OR4P4: variants seen among roughly 807,000 people sequenced by gnomAD.
The protein encoded by OR4P4 is olfactory receptor 4P4.
In OR4P4, 1 loss-of-function variant was observed where a neutral mutation model predicts 2.1. That is an observed-to-expected ratio of 0.47 (90% CI 0.17 to 2.21). The LOEUF (loss-of-function observed/expected upper bound fraction) is 2.21. OR4P4 is among the 30% of genes most tolerant of loss of function. The pLI is 0.27. For synonymous variants in OR4P4, 129 were observed against 133.2 expected (o/e 0.97, Z 0.22); for missense variants, 375 against 376.5 (o/e 1.00, Z 0.03).
At position 55,639,098 on chromosome 11, in the gene OR4P4, G is replaced by A. The variant is rs1276646284; in HGVS notation, c.741G>A (p.Leu247=). The A allele has an allele frequency of 4.7e-6, 7 of 1,493,460 alleles. 3 individuals carry two copies. In the South Asian group the frequency reaches 8.2e-5, roughly 18 times the overall value. 92.5% of individuals were successfully genotyped at this position (1,493,460 alleles called of 1,614,324 possible). A position where few individuals can be genotyped will look rare whatever the true frequency, so the allele number is the denominator to read the frequency against. ...GTTCTCATGTAATTGTTGTGGTCCT[G>A]TTTTTTGCACCTGCATTGTTCATTT... Residue 247 remains leucine, a synonymous_variant, in exon 2 of 2, where the codon CTG becomes CTA. Coordinates refer to ENST00000641760, the Ensembl canonical transcript of OR4P4.
intron 1 of OR4P4, among the ~76,000 whole-genome samples, chr11:55,638,121 T>C (rs946695317): frequency 1.5e-5 from 2 of 137,222 alleles, no homozygotes; most frequent in African/African-American, 5.0e-5. Context: ...CAGGGATTGA[T>C]CACAGTGTGC....
intron 1 of OR4P4, among the ~76,000 whole-genome samples, chr11:55,635,825 G>A (rs959147434): frequency 7.3e-6 from 1 of 137,664 alleles, no homozygotes; most frequent in Non-Finnish European, 1.6e-5. Flanking sequence ...TTTTAAACAA[G>A]CTGTACTGCA....
chr11:55,639,227 A>G, exon 2 of OR4P4: 2 of 1,488,640 alleles, frequency 1.3e-6, no homozygotes, highest in African/African-American at 2.7e-5. Context: ...TGAGAAACAC[A>G]GAGATGAAGA....
exon 2 of OR4P4, chr11:55,638,601 G>T (rs1465722926): frequency 6.7e-7 from 1 of 1,484,526 alleles, no homozygotes; most frequent in Admixed American, 2.0e-5. Flanking sequence ...ATTAATGGTT[G>T]ACTTACTGGC....
At chr11:55,638,053 T>C (rs1858408875) in intron 1 of OR4P4, among the ~76,000 whole-genome samples, 1 of 138,194 alleles carries the variant, frequency 7.2e-6, no homozygotes, top group Admixed American at 7.9e-5. Context: ...AAATAAACAT[T>C]CCCTATGATA....
At chr11:55,638,924 T>C (rs1392986061) in exon 2 of OR4P4, 1 of 1,488,648 alleles carries the variant, frequency 6.7e-7, no homozygotes, top group Non-Finnish European at 9.1e-7. Context: ...CCTGTTCTAA[T>C]ATACACATGA....
exon 2 of OR4P4, chr11:55,638,958 T>G: frequency 6.7e-7 from 1 of 1,486,408 alleles, no homozygotes; most frequent in African/African-American, 1.4e-5. Flanking sequence ...CATTGCTAAT[T>G]CAGGCTTAAT....
chr11:55,638,735 G>A (rs1213483798), exon 2 of OR4P4: 1 of 1,492,440 alleles, frequency 6.7e-7, no homozygotes, highest in South Asian at 1.2e-5. Flanking sequence ...CCATTTGCAA[G>A]CCCCTGCACT....
rs369854570 is a variant in OR4P4 at position 55,638,600 on chromosome 11, T to C, written c.243T>C (p.Val81=). The stretch of plus-strand genomic sequence containing the variant: ...CCACAGTGACCCCCAAATTAATGGT[T>C]GACTTACTGGCAGAAAGAAAGACCA... Residue 81 remains valine (V), a synonymous_variant, in exon 2 of 2, where the codon GTT becomes GTC. Coordinates refer to ENST00000641760, the Ensembl canonical transcript of OR4P4. The C allele has an allele frequency of 2.5e-5, 37 of 1,484,574 alleles. 4 individuals are homozygous for C. The African/African-American group carries it at 4.7e-4, about 19-fold the overall frequency. The allele number at this position is 1,484,574 out of a possible 1,614,324, so 92.0% of individuals were successfully genotyped here. A position where few individuals can be genotyped will look rare whatever the true frequency, so the allele number is the denominator to read the frequency against.
Position 55,636,444 on chromosome 11 carries a change from G to T in OR4P4, c.-31+1228G>T, listed in dbSNP as rs765293492. 2.1e-4 allele frequency among the ~76,000 whole-genome samples: 29 copies of T among 137,888 alleles called. 7 individuals carry two copies. Among genetic ancestry groups the T allele is most frequent in the Admixed American group, 1.9e-3 (24 of 12,658 alleles). 90.5% of individuals were successfully genotyped at this position (137,888 alleles called of 152,430 possible). On this transcript the variant is annotated intron_variant, in intron 1 of 1. Coordinates refer to ENST00000641760, the Ensembl canonical transcript of OR4P4. Reference sequence around the variant, plus strand: ...TAAGTATCACTGTCTAAAATGGAGCGATGACTGAAATTCAAGAAGTGTCCT... The same window carrying T: ...TAAGTATCACTGTCTAAAATGGAGCTATGACTGAAATTCAAGAAGTGTCCT...
chr11:55,638,368 G>A (rs747920959), exon 2 of OR4P4: 6 of 1,360,034 alleles, frequency 4.4e-6, no homozygotes, highest in Non-Finnish European at 6.0e-6. Flanking sequence ...ATGGAAAAAA[G>A]CAATAATAGC....
rs1279232656 is a variant in OR4P4 at position 55,637,430 on chromosome 11, G to C, written c.-30-898G>C. ...CTTTCTTATTTATTGGCAAAGATTAGTGTGATTATGGAGAAGATCATAACC... is the reference window on the plus strand; with the variant it reads ...CTTTCTTATTTATTGGCAAAGATTACTGTGATTATGGAGAAGATCATAACC... On this transcript the variant is annotated intron_variant, in intron 1 of 1. Transcript: ENST00000641760. Among the ~76,000 whole-genome samples, 3 of 137,910 alleles carry C rather than the reference G, an allele frequency of 2.2e-5. 1 individual carries two copies. The highest frequency in any genetic ancestry group is 7.5e-5 in the African/African-American group (3 of 39,874). The allele number at this position is 137,910 out of a possible 152,430, so 90.5% of individuals were successfully genotyped here. A position where few individuals can be genotyped will look rare whatever the true frequency, so the allele number is the denominator to read the frequency against.
exon 2 of OR4P4, chr11:55,640,169 A>ATAC (rs1376401506): frequency 7.4e-6 from 1 of 134,750 alleles, no homozygotes; most frequent in Non-Finnish European, 1.6e-5. Flanking sequence ...AATAATAATA[A>ATAC]TAATAATGTT....
At chr11:55,638,239 TA>T in intron 1 of OR4P4, 88 bp from the exon 2 acceptor site, 1 of 567,348 alleles carries the variant, frequency 1.8e-6, no homozygotes, top group South Asian at 2.8e-5. Context: ...TTGAATGAGG[TA>T]AATTAAATCT....
At chr11:55,638,989 T>C (rs1413846107) in exon 2 of OR4P4, 1 of 1,489,420 alleles carries the variant, frequency 6.7e-7, no homozygotes, top group South Asian at 1.2e-5. Context: ...ACATTTGTTG[T>C]CTTGTTGTTG....
In OR4P4 at chr11:55,638,981, A is replaced by G. The variant is rs753514101; in HGVS notation, c.624A>G (p.Thr208=). The G allele has an allele frequency of 6.0e-6, 9 of 1,488,160 alleles. 1 individual carries two copies. In the South Asian group the frequency reaches 1.1e-4, roughly 18 times the overall value. The allele number at this position is 1,488,160 out of a possible 1,614,324, so 92.2% of individuals were successfully genotyped here. Residue 208 remains threonine (T), a synonymous_variant, in exon 2 of 2, where the codon ACA becomes ACG. Coordinates refer to ENST00000641760, the Ensembl canonical transcript of OR4P4. ...ATTCAGGCTTAATTGCTTTGGTGAC[A>G]TTTGTTGTCTTGTTGTTGTCTTATG...
At chr11:55,638,836 T>A (rs1449976108) in exon 2 of OR4P4, 1 of 1,492,490 alleles carries the variant, frequency 6.7e-7, no homozygotes, top group Non-Finnish European at 9.1e-7. Context: ...CAGTTTCTTC[T>A]CACCATCTTT....
Position 55,638,889 on chromosome 11 carries a change from G to C in OR4P4, c.532G>C (p.Asp178His). The C allele has an allele frequency of 3.3e-6, 5 of 1,493,660 alleles. 2 individuals carry two copies. Among genetic ancestry groups the C allele is most frequent in the Non-Finnish European group, 4.6e-6 (5 of 1,098,406 alleles). The allele number at this position is 1,493,660 out of a possible 1,614,324, so 92.5% of individuals were successfully genotyped here. ...AAATGAGATAGATCACTACTTCTGT[G>C]ATGTGTATCCTTTGCTGAAATTGGC... Residue 178 changes from aspartate to histidine, a missense_variant, in exon 2 of 2, where the codon GAT (aspartate) becomes CAT (histidine). By Grantham distance (81) the Asp-to-His change is moderately conservative. Coordinates refer to ENST00000641760, the Ensembl canonical transcript of OR4P4.
rs1264162407 is a variant in OR4P4 at position 55,640,193 on chromosome 11, G to C, written c.*897G>C. 2.2e-5 allele frequency: 3 copies of C among 135,674 alleles called. 1 individual carries two copies. Among genetic ancestry groups the C allele is most frequent in the African/African-American group, 7.6e-5 (3 of 39,382 alleles). The allele number at this position is 135,674 out of a possible 1,614,324, so 8.4% of individuals were successfully genotyped here. ...AATAATAATGTTTTTATCTTTTCTT[G>C]TACTTTGAAGAGTAAGAGTGATTTA... On this transcript the variant is annotated 3_prime_UTR_variant, in exon 2 of 2. Coordinates refer to ENST00000641760, the Ensembl canonical transcript of OR4P4.
Sources: gnomAD v4.1 joint callset for allele counts (sites outside exome capture counted in the v4.1 genomes callset) on GRCh38, gnomAD v4.1.1 for gene constraint, MANE v1.5 for transcripts, NCBI Gene and HGNC (gene_info 2026-07-23, HGNC 2026-07-21) for gene names.